PI4KA: variants seen among roughly 807,000 people sequenced by gnomAD.
PI4KA encodes the protein phosphatidylinositol 4-kinase alpha.
A neutral mutation model predicts 271.4 loss-of-function variants in PI4KA; 122 were observed. The observed-to-expected ratio is 0.45, with a 90% CI of 0.39 to 0.52. PI4KA has a LOEUF of 0.52. Among genes scored for constraint, PI4KA ranks in the 20% least tolerant of loss-of-function variants. The probability of loss-of-function intolerance (pLI) is 0.00; values close to 1 mark genes in which losing one functional copy is unlikely to be tolerated. For missense variants in PI4KA, 1,969 were observed against 2,769.1 expected (o/e 0.71, Z 6.48); for synonymous variants, 1,041 against 1,078.8 (o/e 0.96, Z 0.69).
chr22:20,823,165 C>T (rs570950293), intron 4 of PI4KA, among the ~76,000 whole-genome samples: 3 of 152,276 alleles, frequency 2.0e-5, no homozygotes, highest in Non-Finnish European at 4.4e-5. Flanking sequence ...CCACCCGCCT[C>T]AGCATCCCAA....
intron 31 of PI4KA, 58 bp downstream of exon 31, chr22:20,742,550 C>CA (rs1929586558): frequency 6.2e-7 from 1 of 1,600,098 alleles, no homozygotes; most frequent in East Asian, 2.2e-5. Context: ...TATGGGTCAT[C>CA]AAGGCCAGCA....
intron 7 of PI4KA, among the ~76,000 whole-genome samples, chr22:20,816,071 C>T (rs987586449): frequency 6.6e-6 from 1 of 151,994 alleles, no homozygotes; most frequent in Non-Finnish European, 1.5e-5. Context: ...TCCTGAGTAG[C>T]TGGGATTATA....
chr22:20,710,139 C>T (rs970653371), intron 52 of PI4KA, 142 bp from the exon 53 acceptor site: 13 of 677,718 alleles, frequency 1.9e-5, no homozygotes, highest in African/African-American at 1.2e-4. Context: ...TGCACATCCC[C>T]GAGGCAACTT....
chr22:20,732,907 C>A, intron 36 of PI4KA, 64 bp downstream of exon 36: 4 of 1,600,318 alleles, frequency 2.5e-6, no homozygotes, highest in South Asian at 2.2e-5. Flanking sequence ...ACCCTCGGGG[C>A]AGCCCACGTG....
At chr22:20,822,605 C>T (rs1296793047) in intron 4 of PI4KA, among the ~76,000 whole-genome samples, 2 of 152,176 alleles carry the variant, frequency 1.3e-5, no homozygotes, top group African/African-American at 2.4e-5. Flanking sequence ...CCTGCTAGGC[C>T]GATACCTCAC....
chr22:20,857,775 G>A (rs936604464), intron 1 of PI4KA, among the ~76,000 whole-genome samples: 1 of 152,168 alleles, frequency 6.6e-6, no homozygotes. Context: ...GTAAGTAAGT[G>A]CCAGTGCAGG....
rs554639789 is a variant in PI4KA at position 20,714,288 on chromosome 22, T to C, written c.5461+170A>G. 6.2e-4 allele frequency among the ~76,000 whole-genome samples: 94 copies of C among 152,290 alleles called. 1 individual carries two copies. Among genetic ancestry groups the C allele is most frequent in the African/African-American group, 2.1e-3 (86 of 41,560 alleles). On this transcript the variant is annotated intron_variant, in intron 47 of 54. Transcript: ENST00000255882. ...TGGGGTGGCACATCTGTCAGTGCAT[T>C]TGAGCTCCCTGCCATCCCCCAATGA... is the stretch of plus-strand genomic sequence containing the variant.
At chr22:20,785,242 C>CT (rs1205120078) in intron 19 of PI4KA, among the ~76,000 whole-genome samples, 3 of 151,948 alleles carry the variant, frequency 2.0e-5, no homozygotes, top group Non-Finnish European at 4.4e-5. Flanking sequence ...GCTAATTAAA[C>CT]TTTTTTTGGT....
intron 45 of PI4KA, among the ~76,000 whole-genome samples, chr22:20,716,267 G>A (rs2147185871): frequency 6.6e-6 from 1 of 152,280 alleles, no homozygotes; most frequent in African/African-American, 2.4e-5. Flanking sequence ...AGCCAGGATG[G>A]TCTTGATCTC....
chr22:20,795,780 G>A (rs554899474), intron 18 of PI4KA, among the ~76,000 whole-genome samples: 1 of 152,230 alleles, frequency 6.6e-6, no homozygotes, highest in African/African-American at 2.4e-5. Flanking sequence ...TTGCCACTGT[G>A]TTCTGATGAT....
chr22:20,813,106 G>A (rs1396655911), intron 8 of PI4KA, among the ~76,000 whole-genome samples: 3 of 152,186 alleles, frequency 2.0e-5, no homozygotes, highest in Admixed American at 1.3e-4. Context: ...GTTTGACACC[G>A]ATTTCCTGAC....
In PI4KA at chr22:20,729,357, G is replaced by T. The variant is rs756000885; in HGVS notation, c.4638C>A (p.Leu1546=). Residue 1546 remains leucine (L), a synonymous_variant, in exon 39 of 55, where the codon CTC becomes CTA. Transcript: ENST00000255882. ...CTAGGTAGGGAGAGATGCTCCAGGC[G>T]AGGTTCACGTTGTCCTTCCACTGCT... ...SEKQWKDNVN[L]AWSISPYLAV... 2.5e-6 allele frequency: 4 copies of T among 1,614,144 alleles called. No homozygotes were observed. The highest frequency in any genetic ancestry group is 3.4e-6 in the Non-Finnish European group (4 of 1,180,026).
chr22:20,739,542 A>G (rs1306385009), intron 32 of PI4KA, among the ~76,000 whole-genome samples: 6 of 151,936 alleles, frequency 3.9e-5, no homozygotes, highest in Non-Finnish European at 5.9e-5. Flanking sequence ...GTCCTCCTCA[A>G]CTGTCAGTTT....
At chr22:20,712,824 G>T (rs557718249) in intron 48 of PI4KA, 27 bp from the exon 49 acceptor site, 5 of 1,550,578 alleles carry the variant, frequency 3.2e-6, no homozygotes, top group Admixed American at 2.0e-5. Flanking sequence ...CGCAGGATGC[G>T]GTCAGTTGGC....
chr22:20,757,236 G>A (rs1282523786), intron 23 of PI4KA, among the ~76,000 whole-genome samples: 2 of 152,142 alleles, frequency 1.3e-5, no homozygotes, highest in African/African-American at 4.8e-5. Context: ...ATGTTTTAGA[G>A]GAAAAATATA....
At chr22:20,858,539 G>GTCAGCCCGCGGC in intron 1 of PI4KA, 31 bp downstream of exon 1, 1 of 1,341,698 alleles carries the variant, frequency 7.5e-7, no homozygotes, top group Non-Finnish European at 9.6e-7. Flanking sequence ...CCCTCCTCCT[G>GTCAGCCCGCGGC]TCAGCCCGCG....
intron 30 of PI4KA, among the ~76,000 whole-genome samples, chr22:20,744,191 C>T (rs1420911470): frequency 1.3e-5 from 2 of 152,158 alleles, no homozygotes; most frequent in Non-Finnish European, 2.9e-5. Flanking sequence ...GGGTGAAAGC[C>T]CACGATGTGG....
intron 32 of PI4KA, among the ~76,000 whole-genome samples, chr22:20,735,895 G>A (rs561070216): frequency 6.6e-6 from 1 of 152,320 alleles, no homozygotes; most frequent in Non-Finnish European, 1.5e-5. Context: ...AACTGCCATG[G>A]ACAAGAAGCC....
At chr22:20,805,771 G>A (rs1935616557) in intron 10 of PI4KA, among the ~76,000 whole-genome samples, 1 of 150,272 alleles carries the variant, frequency 6.7e-6, no homozygotes, top group Middle Eastern at 3.5e-3. Flanking sequence ...GGCGGAGCTT[G>A]CAGTGAGCCA....
Sources: allele counts gnomAD v4.1 joint callset (sites outside exome capture counted in the v4.1 genomes callset), GRCh38; gene constraint gnomAD v4.1.1; transcripts MANE v1.5; gene names NCBI Gene and HGNC (gene_info 2026-07-23, HGNC 2026-07-21).